The following TMEM163 variants were observed in gnomAD, a reference collection of about 807,000 sequenced individuals.
TMEM163 encodes transmembrane protein 163.
Under a neutral mutation model 29.3 loss-of-function variants are expected in TMEM163, and 17 were observed. That is an observed-to-expected ratio of 0.58 (90% CI 0.40 to 0.87). The LOEUF (loss-of-function observed/expected upper bound fraction) is 0.87, where lower values mean the gene tolerates loss of function less well. TMEM163 is among the 40% of genes least tolerant of loss of function. The pLI is 0.00. For missense variants in TMEM163, 303 were observed against 381.5 expected, an observed-to-expected ratio of 0.79 and a Z score of 1.71; for synonymous variants, 157 against 160.6, an observed-to-expected ratio of 0.98 and a Z score of 0.17.
chr2:134,713,832 C>A (rs971492418), intron 1 of TMEM163, among the ~76,000 whole-genome samples: 14 of 152,194 alleles, frequency 9.2e-5, no homozygotes, highest in African/African-American at 3.4e-4. Context: ...CACTGCTCCC[C>A]CAACAATCAG....
chr2:134,533,966 C>T (rs1680473260), intron 4 of TMEM163, among the ~76,000 whole-genome samples: 1 of 152,090 alleles, frequency 6.6e-6, no homozygotes, highest in African/African-American at 2.4e-5. Flanking sequence ...CTTCCTTGGC[C>T]CCCAACTTCA....
chr2:134,667,692 C>T (rs57037353), intron 2 of TMEM163, among the ~76,000 whole-genome samples: 15,876 of 152,220 alleles, frequency 0.1, 993 homozygotes, highest in South Asian at 0.17. Context: ...AAAAGAAAAG[C>T]TTAAACTATG....
intron 5 of TMEM163, among the ~76,000 whole-genome samples, chr2:134,502,269 G>C (rs1028901714): frequency 9.9e-5 from 15 of 152,066 alleles, no homozygotes; most frequent in African/African-American, 3.6e-4. Context: ...TTCATCTCCT[G>C]GTAACCACAT....
At chr2:134,488,605 C>T (rs1045684057) in intron 5 of TMEM163, among the ~76,000 whole-genome samples, 1 of 152,308 alleles carries the variant, frequency 6.6e-6, no homozygotes, top group East Asian at 1.9e-4. Context: ...CCTCAGCTTG[C>T]AGATGGCCTA....
chr2:134,617,649 T>C (rs976471360), intron 2 of TMEM163, among the ~76,000 whole-genome samples: 4 of 145,782 alleles, frequency 2.7e-5, no homozygotes, highest in African/African-American at 5.2e-5. Context: ...CTAGAAAATA[T>C]TTGATTAATA....
chr2:134,481,356 T>G (rs1451678952), intron 5 of TMEM163, among the ~76,000 whole-genome samples: 1 of 136,746 alleles, frequency 7.3e-6, no homozygotes, highest in African/African-American at 2.8e-5. Flanking sequence ...GGGACAGACC[T>G]AGTGGGAGGT....
intron 1 of TMEM163, among the ~76,000 whole-genome samples, chr2:134,714,227 T>C (rs1356569002): frequency 6.6e-6 from 1 of 152,216 alleles, no homozygotes; most frequent in Non-Finnish European, 1.5e-5. Context: ...CATCTCTTAG[T>C]TGCACACAGT....
rs1682156220 is a variant in TMEM163 at position 134,598,900 on chromosome 2, G to GACA, written c.323-46812_323-46810dup. Among the ~76,000 whole-genome samples the GACA allele has an allele frequency of 4.2e-5, 6 of 142,162 alleles. No homozygotes were observed. The South Asian group carries it at 1.3e-3, about 31-fold the overall frequency. The allele number at this position is 142,162 out of a possible 152,430, so 93.3% of individuals were successfully genotyped here. On this transcript the variant is annotated intron_variant, in intron 2 of 7. Coordinates refer to ENST00000281924, the MANE Select transcript of TMEM163 (RefSeq NM_030923.5). Reference sequence around the variant, plus strand: ...AGTGCCACTACACTCCAGCCTGGGTGACAGAGTGAGACTCTATCTCAAAAA... The same window carrying GACA: ...AGTGCCACTACACTCCAGCCTGGGTGACAACAGAGTGAGACTCTATCTCAAAAA...
At chr2:134,655,730 C>A (rs1317194203) in intron 2 of TMEM163, among the ~76,000 whole-genome samples, 5 of 141,248 alleles carry the variant, frequency 3.5e-5, no homozygotes, top group Admixed American at 1.4e-4. Context: ...GTTTTCGGTG[C>A]GGATGTCCTT....
intron 2 of TMEM163, among the ~76,000 whole-genome samples, chr2:134,582,040 C>T (rs1279613245): frequency 6.6e-6 from 1 of 152,132 alleles, no homozygotes; most frequent in Non-Finnish European, 1.5e-5. Context: ...ACACACACGG[C>T]AGAGAACCAT....
chr2:134,552,407 T>C (rs1680951314), intron 2 of TMEM163, among the ~76,000 whole-genome samples: 1 of 152,070 alleles, frequency 6.6e-6, no homozygotes, highest in South Asian at 2.1e-4. Flanking sequence ...GGGAACTATA[T>C]CAAACTTTCA....
At chr2:134,510,002 G>A (rs1403651902) in intron 4 of TMEM163, among the ~76,000 whole-genome samples, 2 of 152,144 alleles carry the variant, frequency 1.3e-5, no homozygotes, top group African/African-American at 2.4e-5. Flanking sequence ...TGGAGATGCT[G>A]TTCCTGGAGC....
At chr2:134,709,885 T>A (rs1684892346) in intron 2 of TMEM163, among the ~76,000 whole-genome samples, 1 of 152,238 alleles carries the variant, frequency 6.6e-6, no homozygotes, top group Non-Finnish European at 1.5e-5. Context: ...TTCATCTGCA[T>A]GATAAAACTT....
intron 2 of TMEM163, among the ~76,000 whole-genome samples, chr2:134,603,947 C>T (rs945138749): frequency 2.6e-5 from 4 of 152,060 alleles, no homozygotes; most frequent in Admixed American, 1.3e-4. Flanking sequence ...CTTTTGGACA[C>T]TGCAGTTAGT....
intron 2 of TMEM163, among the ~76,000 whole-genome samples, chr2:134,613,613 T>C (rs567641264): frequency 6.6e-6 from 1 of 152,230 alleles, no homozygotes; most frequent in South Asian, 2.1e-4. Flanking sequence ...TTCAAGGTGC[T>C]GACAGAAAAA....
chr2:134,494,872 G>A (rs1679512598), intron 5 of TMEM163, among the ~76,000 whole-genome samples: 1 of 152,160 alleles, frequency 6.6e-6, no homozygotes, highest in Admixed American at 6.5e-5. Flanking sequence ...GAACCCTCAG[G>A]AACTCATTCC....
At position 134,718,947 on chromosome 2, in the gene TMEM163, G is replaced by A; in HGVS notation, c.-12C>T. The A allele has an allele frequency of 9.6e-7, 1 of 1,038,196 alleles. No individual in the cohort carries two copies. The highest frequency in any genetic ancestry group is 1.2e-6 in the Non-Finnish European group (1 of 866,090). 64.3% of individuals were successfully genotyped at this position (1,038,196 alleles called of 1,614,324 possible). ...GCGGCCGGCTCCATGGCGCGGGGCT[G>A]CGGATCCCGGCGGCGGCGACGACAA... On this transcript the variant is annotated 5_prime_UTR_variant, in exon 1 of 8. Transcript: ENST00000281924.
chr2:134,605,424 C>G (rs1320820866), intron 2 of TMEM163, among the ~76,000 whole-genome samples: 2 of 151,940 alleles, frequency 1.3e-5, no homozygotes, highest in African/African-American at 4.8e-5. Flanking sequence ...AATATTTGGG[C>G]CAGGCAGGGT....
intron 1 of TMEM163, among the ~76,000 whole-genome samples, chr2:134,717,610 A>G (rs2104904494): frequency 6.6e-6 from 1 of 152,316 alleles, no homozygotes; most frequent in African/African-American, 2.4e-5. Context: ...TAAGTCTAAA[A>G]TATATAAACC....
Sources: gnomAD v4.1 joint callset for allele counts (sites outside exome capture counted in the v4.1 genomes callset) on GRCh38, gnomAD v4.1.1 for gene constraint, MANE v1.5 for transcripts, NCBI Gene and HGNC (gene_info 2026-07-23, HGNC 2026-07-21) for gene names.